The following BIRC6 variants were observed in gnomAD, a reference collection of about 807,000 sequenced individuals.
BIRC6 encodes baculoviral IAP repeat containing 6.
BIRC6 carries 98 observed loss-of-function variants against 503.3 expected under a neutral mutation model. The observed-to-expected ratio is 0.19, with a 90% CI of 0.17 to 0.23. The LOEUF (loss-of-function observed/expected upper bound fraction) is 0.23, where lower values mean the gene tolerates loss of function less well. Ranked by LOEUF, BIRC6 falls within the 10% of genes least tolerant of loss-of-function variation. The pLI is 1.00. For synonymous variants in BIRC6, 2,240 were observed against 2,078.7 expected, an observed-to-expected ratio of 1.08 and a Z score of -2.11; for missense variants, 5,360 against 5,806.0, an observed-to-expected ratio of 0.92 and a Z score of 2.50.
chr2:32,525,434 T>C (rs2056182091), intron 58 of BIRC6, 30 bp from the exon 59 acceptor site: 2 of 1,612,422 alleles, frequency 1.2e-6, no homozygotes, highest in African/African-American at 1.3e-5. Context: ...GTGTTGACTA[T>C]GTAGAATCTT....
At chr2:32,547,743 A>G in intron 63 of BIRC6, 107 bp from the exon 64 acceptor site, 1 of 1,028,046 alleles carries the variant, frequency 9.7e-7, no homozygotes, top group Non-Finnish European at 1.4e-6. Context: ...AGCAGCCACC[A>G]AACTGTTTTC....
At position 32,597,684 on chromosome 2, in the gene BIRC6, G is replaced by T. The variant is rs538725738; in HGVS notation, c.13613-67G>T. 1.2e-5 allele frequency: 14 copies of T among 1,178,690 alleles called. No homozygotes were observed. In the East Asian group the frequency reaches 3.4e-4, roughly 29 times the overall value. The allele number at this position is 1,178,690 out of a possible 1,614,324, so 73.0% of individuals were successfully genotyped here. On this transcript the variant is annotated intron_variant, in intron 68 of 73. Transcript: ENST00000421745. ...TTGAGTGGGAGAAGGACTAGTGATT[G>T]TTTGTGATTTTTGTCATTATAACAA...
At chr2:32,431,181 C>CT (rs10610125) in intron 12 of BIRC6, 91 bp downstream of exon 12, 1,976 of 69,010 alleles carry the variant, frequency 0.029, 421 homozygotes, top group Middle Eastern at 0.052. Context: ...TACTGTTTAT[C>CT]TTTTTTTTTT....
At position 32,554,625 on chromosome 2, in the gene BIRC6, T is replaced by C. The variant is rs114233006; in HGVS notation, c.13144+5144T>C. Reference sequence around the variant, plus strand: ...GATGTTATATACTAGGATTAAAATTTTTAATTTCCCTAATATTGGTTTGAC... The same window carrying C: ...GATGTTATATACTAGGATTAAAATTCTTAATTTCCCTAATATTGGTTTGAC... On this transcript the variant is annotated intron_variant, in intron 65 of 73. Transcript: ENST00000421745. 2.6e-5 allele frequency among the ~76,000 whole-genome samples: 4 copies of C among 152,262 alleles called. No homozygotes were observed. In the East Asian group the frequency reaches 7.7e-4, roughly 29 times the overall value.
intron 5 of BIRC6, among the ~76,000 whole-genome samples, chr2:32,393,700 T>C (rs996384656): frequency 8.5e-5 from 13 of 152,164 alleles, no homozygotes; most frequent in African/African-American, 3.1e-4. Context: ...TGTTTATTTT[T>C]TGTAGAGATG....
chr2:32,452,847 A>G (rs879390847), intron 22 of BIRC6, among the ~76,000 whole-genome samples: 4 of 152,150 alleles, frequency 2.6e-5, no homozygotes, highest in East Asian at 3.9e-4. Flanking sequence ...CTGTCTCCCA[A>G]TTCTTGTATT....
chr2:32,416,266 G>A, intron 10 of BIRC6, 103 bp downstream of exon 10: 2 of 1,208,618 alleles, frequency 1.7e-6, no homozygotes, highest in Non-Finnish European at 2.3e-6. Flanking sequence ...TAGATGGGGA[G>A]GAATTAATTT....
intron 43 of BIRC6, 71 bp from the exon 44 acceptor site, chr2:32,491,354 T>C: frequency 2.2e-6 from 3 of 1,386,878 alleles, no homozygotes; most frequent in Non-Finnish European, 2.9e-6. Flanking sequence ...AACTAAAAGA[T>C]GCTTTCAGAT....
rs2054229842 is a variant in BIRC6, at chr2:32,509,995, G to GTGATA, written c.10237+2_10237+6dup. The GTGATA allele has an allele frequency of 2.5e-6, 4 of 1,612,584 alleles. No individual in the cohort carries two copies. Among genetic ancestry groups the GTGATA allele is most frequent in the Non-Finnish European group, 3.4e-6 (4 of 1,179,526 alleles). On this transcript the variant is annotated splice_donor_variant, in intron 52 of 73. Transcript: ENST00000421745. LOFTEE classifies it high-confidence loss of function. ...GCAGCATCAGGCAGTGATCCTACAG[G>GTGATA]TGATAATTAACTTTGATATTTAAAT... is the stretch of plus-strand genomic sequence containing the variant.
intron 71 of BIRC6, among the ~76,000 whole-genome samples, chr2:32,606,681 C>T (rs2062477566): frequency 6.6e-6 from 1 of 151,944 alleles, no homozygotes; most frequent in Admixed American, 6.6e-5. Context: ...TGGTCTCAGG[C>T]ATAGTTTTTT....
At chr2:32,414,252 A>T (rs1420617025) in intron 9 of BIRC6, among the ~76,000 whole-genome samples, 1 of 152,044 alleles carries the variant, frequency 6.6e-6, no homozygotes, top group East Asian at 1.9e-4. Context: ...ACTCCAGCCT[A>T]GGCAACAAGA....
intron 23 of BIRC6, among the ~76,000 whole-genome samples, chr2:32,461,530 A>G (rs1417383146): frequency 2.0e-5 from 3 of 151,604 alleles, no homozygotes; most frequent in African/African-American, 4.8e-5. Flanking sequence ...CAAGCTTACA[A>G]TGTTGAATTT....
At chr2:32,378,004 A>G (rs1269023455) in intron 2 of BIRC6, among the ~76,000 whole-genome samples, 5 of 152,186 alleles carry the variant, frequency 3.3e-5, no homozygotes, top group African/African-American at 1.2e-4. Flanking sequence ...CAGGTTAAAC[A>G]GCTGTAACCG....
chr2:32,433,665 A>G lies in BIRC6; in HGVS notation c.3270A>G (p.Val1090=). ...ACAGCAACAGCTGGGATGAACATGT[A>G]TTTGAATTAGTACTACCTAAAGCTT... is the stretch of plus-strand genomic sequence containing the variant. ...QTDSNSWDEH[V]FELVLPKACM... The change falls in exon 13 of 74, where the codon GTA becomes GTG. Residue 1090 remains valine (V), a synonymous_variant. Transcript: ENST00000421745. The G allele has an allele frequency of 6.4e-7, 1 of 1,571,264 alleles. No homozygotes were observed. Among genetic ancestry groups the G allele is most frequent in the Non-Finnish European group, 8.7e-7 (1 of 1,150,214 alleles).
intron 68 of BIRC6, among the ~76,000 whole-genome samples, 176 bp from the exon 69 acceptor site, chr2:32,597,575 A>G (rs1416183159): frequency 6.6e-6 from 1 of 152,186 alleles, no homozygotes; most frequent in Non-Finnish European, 1.5e-5. Context: ...TGGCAGTGCT[A>G]ATCCATCTGG....
At chr2:32,575,007 C>G (rs2060168564) in intron 65 of BIRC6, 149 bp from the exon 66 acceptor site, 2 of 779,390 alleles carry the variant, frequency 2.6e-6, no homozygotes, top group South Asian at 3.4e-5. Context: ...CTCGGCCTCA[C>G]AAAGTACTGA....
chr2:32,404,497 T>G (rs1459858327), intron 8 of BIRC6, among the ~76,000 whole-genome samples: 2 of 151,266 alleles, frequency 1.3e-5, no homozygotes, highest in African/African-American at 4.9e-5. Flanking sequence ...GTATTTTTAG[T>G]AGAGACGGGT....
At position 32,575,178 on chromosome 2, in the gene BIRC6, G is replaced by T; in HGVS notation, c.13167G>T (p.Val4389=). ...TAGTTCTGGACATGGCAAGACATGT[G>T]CCACTCTATCGGGCACTGCTGGAAT... The part of the protein sequence containing the change: ...NDSVLDMARH[V]PLYRALLELL... Residue 4389 remains valine (V), a synonymous_variant, in exon 66 of 74, where the codon GTG becomes GTT. Coordinates refer to ENST00000421745, the MANE Select transcript of BIRC6 (RefSeq NM_016252.4). The T allele has an allele frequency of 1.2e-6, 2 of 1,613,888 alleles. No individual in the cohort carries two copies. The highest frequency in any genetic ancestry group is 1.7e-6 in the Non-Finnish European group (2 of 1,179,870).
intron 61 of BIRC6, among the ~76,000 whole-genome samples, chr2:32,539,474 C>G (rs772692373): frequency 6.6e-6 from 1 of 152,174 alleles, no homozygotes; most frequent in Non-Finnish European, 1.5e-5. Flanking sequence ...AAATCAAACC[C>G]AGTATGTTCT....
Sources: gnomAD v4.1 joint callset for allele counts (sites outside exome capture counted in the v4.1 genomes callset) on GRCh38, gnomAD v4.1.1 for gene constraint, MANE v1.5 for transcripts, NCBI Gene and HGNC (gene_info 2026-07-23, HGNC 2026-07-21) for gene names.